SLC6A7: variants seen among roughly 807,000 people sequenced by gnomAD.
The protein encoded by SLC6A7 is solute carrier family 6 member 7.
In SLC6A7, 58 loss-of-function variants were observed where a neutral mutation model predicts 73.1. The observed-to-expected ratio is 0.79, with a 90% confidence interval of 0.64 to 0.99. SLC6A7 has a LOEUF of 0.99. SLC6A7 is among the 50% of genes least tolerant of loss of function. SLC6A7 has a pLI of 0.00. For missense variants in SLC6A7, 783 were observed against 831.4 expected (o/e 0.94, Z 0.72); for synonymous variants, 338 against 338.7 (o/e 1.00, Z 0.02).
Position 150,197,043 on chromosome 5 carries a change from C to T in SLC6A7, c.351C>T (p.Gly117=), listed in dbSNP as rs759511938. 13 of 1,613,110 alleles carry T rather than the reference C, an allele frequency of 8.1e-6. No homozygotes were observed. Among genetic ancestry groups the T allele is most frequent in the Non-Finnish European group, 9.3e-6 (11 of 1,179,376 alleles). The change falls in exon 4 of 14, where the codon GGC becomes GGT. Residue 117 remains glycine (G), a splice_region_variant and synonymous_variant. Coordinates refer to ENST00000230671, the MANE Select transcript of SLC6A7 (RefSeq NM_014228.5). ...CCCAGCAGCCTCTCCCCACACCAGG[C>T]GCCGGCGCAGCCATGCTGCTCATCG... The part of the protein sequence containing the change: ...AVWKISPLFK[G]AGAAMLLIVG...
intron 10 of SLC6A7, 58 bp downstream of exon 10, chr5:150,204,096 C>T (rs555731725): frequency 5.4e-5 from 83 of 1,543,450 alleles, no homozygotes; most frequent in East Asian, 2.8e-4. Flanking sequence ...ACGCCTGCAA[C>T]GAGATCTCTG....
intron 6 of SLC6A7, among the ~76,000 whole-genome samples, chr5:150,201,434 T>C (rs911733608): frequency 2.0e-5 from 3 of 152,226 alleles, no homozygotes; most frequent in Admixed American, 1.3e-4. Context: ...TTGAAGCATA[T>C]GTACCTGGGG....
At chr5:150,202,272 C>A (rs1580865255) in intron 6 of SLC6A7, 75 bp from the exon 7 acceptor site, 1 of 1,027,158 alleles carries the variant, frequency 9.7e-7, no homozygotes, top group Non-Finnish European at 1.5e-6. Context: ...AGCTGTCACA[C>A]CATCTTCATT....
intron 1 of SLC6A7, among the ~76,000 whole-genome samples, chr5:150,193,921 C>T (rs887447112): frequency 2.0e-5 from 3 of 152,158 alleles, no homozygotes; most frequent in Non-Finnish European, 2.9e-5. Flanking sequence ...GTAGAAACCT[C>T]GGGTATGTCA....
At chr5:150,198,812 G>GTGTGTGTGTGTGTT (rs1491185533) in intron 4 of SLC6A7, among the ~76,000 whole-genome samples, 533 of 12,118 alleles carry the variant, frequency 0.044, 12 homozygotes, top group African/African-American at 0.14. Flanking sequence ...GCCCTGGATG[G>GTGTGTGTGTGTGTT]TGTGTGTGTG....
In SLC6A7 at chr5:150,204,880, C is replaced by T. The variant is rs201896627; in HGVS notation, c.1486C>T (p.Leu496Phe). The change falls in exon 12 of 14, where the codon CTC becomes TTC. Residue 496 changes from leucine to phenylalanine, a missense_variant. Transcript: ENST00000230671. ...CATGATGCTGGGCTTCAAGCCGGGC[C>T]TCTACTTCAGGGCCTGCTGGCTGTT... ...IHMMLGFKPG[L>F]YFRACWLFLS... 1 of 1,605,588 alleles carries T rather than the reference C, an allele frequency of 6.2e-7. No homozygotes were observed. Among genetic ancestry groups the T allele is most frequent in the East Asian group, 2.2e-5 (1 of 44,546 alleles).
intron 1 of SLC6A7, among the ~76,000 whole-genome samples, chr5:150,193,322 T>G (rs922584230): frequency 6.6e-6 from 1 of 152,224 alleles, no homozygotes. Context: ...TAGGAACAGC[T>G]GGCCTCCGCT....
chr5:150,200,183 AC>A (rs1213234101), intron 5 of SLC6A7, among the ~76,000 whole-genome samples: 6 of 152,206 alleles, frequency 3.9e-5, no homozygotes, highest in African/African-American at 1.4e-4. Flanking sequence ...GGTGGAAAGG[AC>A]GATAAAGCCA....
rs540286509 is a variant in SLC6A7 at position 150,191,454 on chromosome 5, G to A, written c.33+1094G>A. 1.1e-4 allele frequency among the ~76,000 whole-genome samples: 17 copies of A among 148,666 alleles called. No homozygotes were observed. The South Asian group carries it at 1.5e-3, about 13-fold the overall frequency. ...TTTTCTTGTTTTTTTTTTTTGAGACGGAGTCTCGCTCTGTCACCCAGGTTG... is the reference window on the plus strand; with the variant it reads ...TTTTCTTGTTTTTTTTTTTTGAGACAGAGTCTCGCTCTGTCACCCAGGTTG... On this transcript the variant is annotated intron_variant, in intron 1 of 13. Transcript: ENST00000230671.
rs759641980 is a variant in SLC6A7, at chr5:150,209,518, T to C, written c.1814T>C (p.Met605Thr). Residue 605 changes from methionine to threonine, a missense_variant, in exon 14 of 14, where the codon ATG (methionine) becomes ACG (threonine). Met to Thr is a moderately conservative substitution (Grantham distance 81). Transcript: ENST00000230671. ...GGGAGCCAGTCACCAAAGCCACTGA[T>C]GGTGCACATGCGCAAGTACGGGGGC... is the stretch of plus-strand genomic sequence containing the variant. ...LAGSQSPKPLMVHMRKYGGIT... is the reference protein window; with the variant it reads ...LAGSQSPKPLTVHMRKYGGIT... The C allele has an allele frequency of 1.9e-6, 3 of 1,614,180 alleles. No homozygotes were observed. The highest frequency in any genetic ancestry group is 2.5e-6 in the Non-Finnish European group (3 of 1,180,024).
At position 150,205,556 on chromosome 5, in the gene SLC6A7, T is replaced by A. The variant is rs1198129186; in HGVS notation, c.1634T>A (p.Leu545Gln). The part of the protein sequence containing the change: ...AELLGILMGL[L>Q]SCLMIPAGML... ...CTGCTGGGCATCCTGATGGGCCTGC[T>A]GTCCTGCCTCATGATCCCAGCTGGC... The change falls in exon 13 of 14, where the codon CTG (leucine) becomes CAG (glutamine). Residue 545 changes from leucine (L) to glutamine (Q), a missense_variant. Transcript: ENST00000230671. 3.7e-6 allele frequency: 6 copies of A among 1,613,592 alleles called. No individual in the cohort carries two copies. Among genetic ancestry groups the A allele is most frequent in the South Asian group, 1.1e-5 (1 of 91,052 alleles).
chr5:150,190,415 C>T (rs973808793), intron 1 of SLC6A7, 55 bp downstream of exon 1: 17 of 1,305,256 alleles, frequency 1.3e-5, no homozygotes, highest in Non-Finnish European at 1.7e-5. Flanking sequence ...GTTGGAGAGA[C>T]CCGCCCCCAA....
At chr5:150,196,018 G>T (rs974067606) in intron 2 of SLC6A7, among the ~76,000 whole-genome samples, 4 of 152,232 alleles carry the variant, frequency 2.6e-5, no homozygotes, top group African/African-American at 9.6e-5. Flanking sequence ...CAACCCAAGA[G>T]CTTTGCAGAA....
chr5:150,201,092 G>A lies in SLC6A7; in HGVS notation c.727G>A (p.Val243Met). ...LKGVKSSGKV[V>M]YFTATFPYLI... ...CTCCTCACTTATCATCTCTCAGGTG[G>A]TGTATTTCACGGCCACGTTCCCCTA... is the stretch of plus-strand genomic sequence containing the variant. The change falls in exon 6 of 14, where the codon GTG (valine) becomes ATG (methionine). Residue 243 changes from valine (V) to methionine (M), a missense_variant. Transcript: ENST00000230671. 6.2e-7 allele frequency: 1 copy of A among 1,613,688 alleles called. No homozygotes were observed. Among genetic ancestry groups the A allele is most frequent in the Non-Finnish European group, 8.5e-7 (1 of 1,179,748 alleles).
rs561498350 is a variant in SLC6A7 at position 150,200,408 on chromosome 5, G to A, written c.724-681G>A. On this transcript the variant is annotated intron_variant, in intron 5 of 13. Coordinates refer to ENST00000230671, the MANE Select transcript of SLC6A7 (RefSeq NM_014228.5). ...CTCGGGAGGCTGAGACGGGAGAATC[G>A]CTTGAACCTGGGAGACGGTAGTTGC... Among the ~76,000 whole-genome samples the A allele has an allele frequency of 1.7e-3, 253 of 152,268 alleles. 2 individuals carry two copies. The highest frequency in any genetic ancestry group is 5.9e-3 in the African/African-American group (247 of 41,562).
intron 3 of SLC6A7, 81 bp downstream of exon 3, chr5:150,196,928 G>T: frequency 6.5e-7 from 1 of 1,543,360 alleles, no homozygotes; most frequent in Non-Finnish European, 8.8e-7. Flanking sequence ...ACCCCTGCCA[G>T]CTCCAGGCAG....
intron 1 of SLC6A7, among the ~76,000 whole-genome samples, chr5:150,193,190 G>A (rs984261743): frequency 2.0e-5 from 3 of 152,120 alleles, no homozygotes; most frequent in East Asian, 1.9e-4. Context: ...CTGTCACCAC[G>A]GCCCCTGTGG....
chr5:150,196,871 G>A, intron 3 of SLC6A7, 24 bp downstream of exon 3: 8 of 1,610,524 alleles, frequency 5.0e-6, no homozygotes, highest in Non-Finnish European at 6.8e-6. Flanking sequence ...GGTCCCCAGG[G>A]AGGGAAGGGC....
intron 2 of SLC6A7, among the ~76,000 whole-genome samples, chr5:150,195,699 C>A (rs765708903): frequency 6.6e-6 from 1 of 152,236 alleles, no homozygotes; most frequent in African/African-American, 2.4e-5. Context: ...CTGTCTCTAG[C>A]AAACTCTGAA....
Sources: gnomAD v4.1 joint callset for allele counts (sites outside exome capture counted in the v4.1 genomes callset) on GRCh38, gnomAD v4.1.1 for gene constraint, MANE v1.5 for transcripts, NCBI Gene and HGNC (gene_info 2026-07-23, HGNC 2026-07-21) for gene names.